ELOVL2: variants seen among roughly 807,000 people sequenced by gnomAD.
ELOVL2 encodes very long chain fatty acid elongase 2.
ELOVL2 carries 38 observed loss-of-function variants against 37.7 expected under a neutral mutation model. The observed-to-expected ratio is 1.01, with a 90% CI of 0.78 to 1.32. The LOEUF is 1.32. ELOVL2 is among the 40% of genes most tolerant of loss of function. The pLI is 0.00. For missense variants in ELOVL2, 352 were observed against 363.6 expected (o/e 0.97, Z 0.26); for synonymous variants, 115 against 122.3 (o/e 0.94, Z 0.40).
At chr6:11,002,253 CA>C (rs150931284) in intron 3 of ELOVL2, among the ~76,000 whole-genome samples, 1,683 of 152,334 alleles carry the variant, frequency 0.011, 16 homozygotes, top group Non-Finnish European at 0.018. Context: ...GCCCCATCAC[CA>C]GCCTCTCACT....
At chr6:11,014,503 C>A (rs1782639774) in intron 1 of ELOVL2, among the ~76,000 whole-genome samples, 1 of 150,144 alleles carries the variant, frequency 6.7e-6, no homozygotes, top group South Asian at 2.2e-4. Flanking sequence ...ACAACAACAA[C>A]AAAAACTAAA....
At chr6:11,033,851 T>C (rs1328015725) in intron 1 of ELOVL2, among the ~76,000 whole-genome samples, 4 of 152,190 alleles carry the variant, frequency 2.6e-5, no homozygotes, top group African/African-American at 9.7e-5. Context: ...TGTGGATTAA[T>C]CAAGATTGTT....
chr6:11,002,079 C>T (rs983317872), intron 3 of ELOVL2, among the ~76,000 whole-genome samples: 2 of 152,136 alleles, frequency 1.3e-5, no homozygotes, highest in South Asian at 2.1e-4. Context: ...ATAGCACTCC[C>T]GTCATTAAAA....
chr6:10,992,852 A>T (rs949087779), intron 5 of ELOVL2, among the ~76,000 whole-genome samples: 3 of 152,232 alleles, frequency 2.0e-5, no homozygotes, highest in Non-Finnish European at 4.4e-5. Flanking sequence ...TACATCATAT[A>T]GAGCCAGGGT....
chr6:11,003,655 T>C (rs1278605009), intron 3 of ELOVL2, among the ~76,000 whole-genome samples: 2 of 152,218 alleles, frequency 1.3e-5, no homozygotes, highest in Non-Finnish European at 2.9e-5. Context: ...TTCTGCTATA[T>C]AGAGAAACGA....
chr6:11,027,374 T>C (rs1467201378), intron 1 of ELOVL2, among the ~76,000 whole-genome samples: 2 of 152,192 alleles, frequency 1.3e-5, no homozygotes, highest in African/African-American at 4.8e-5. Flanking sequence ...TCTCGTCATA[T>C]GGGAGAGTCA....
chr6:11,001,482 G>A (rs1308245109), intron 3 of ELOVL2, among the ~76,000 whole-genome samples: 2 of 152,246 alleles, frequency 1.3e-5, no homozygotes, highest in South Asian at 2.1e-4. Context: ...TGGTGTGTTC[G>A]TGCATTTTTT....
chr6:11,020,518 A>G (rs1038699047), intron 1 of ELOVL2, among the ~76,000 whole-genome samples: 1 of 152,178 alleles, frequency 6.6e-6, no homozygotes, highest in African/African-American at 2.4e-5. Context: ...TAATATTTCC[A>G]TATGGGTCTT....
At chr6:11,019,464 C>CA (rs1268198471) in intron 1 of ELOVL2, among the ~76,000 whole-genome samples, 2 of 152,206 alleles carry the variant, frequency 1.3e-5, no homozygotes, top group Non-Finnish European at 2.9e-5. Context: ...GAAAGAAAAT[C>CA]AGAGTGCAAT....
chr6:10,996,315 G>A (rs1581863067), intron 4 of ELOVL2, among the ~76,000 whole-genome samples: 1 of 152,284 alleles, frequency 6.6e-6, no homozygotes, highest in East Asian at 1.9e-4. Flanking sequence ...AGAACTGTAT[G>A]GTATGCACTG....
chr6:11,000,721 T>C (rs1390970562), intron 3 of ELOVL2, among the ~76,000 whole-genome samples: 1 of 152,200 alleles, frequency 6.6e-6, no homozygotes, highest in Non-Finnish European at 1.5e-5. Context: ...CCCATTACTC[T>C]CAAAAACCAA....
chr6:11,041,400 T>C (rs1054504426), intron 1 of ELOVL2, among the ~76,000 whole-genome samples: 2 of 152,230 alleles, frequency 1.3e-5, no homozygotes, highest in African/African-American at 4.8e-5. Flanking sequence ...GGAACCCTTG[T>C]TGAAGAACCA....
chr6:11,013,174 C>A (rs1247612722), intron 1 of ELOVL2, among the ~76,000 whole-genome samples: 1 of 152,200 alleles, frequency 6.6e-6, no homozygotes, highest in African/African-American at 2.4e-5. Context: ...CAGAGAGAAC[C>A]ACAGCCAATG....
At chr6:10,990,240 C>T in intron 6 of ELOVL2, 78 bp downstream of exon 6, 4 of 1,555,194 alleles carry the variant, frequency 2.6e-6, no homozygotes, top group Non-Finnish European at 3.5e-6. Context: ...ATAAAAAGCC[C>T]TCTGACTTCT....
chr6:10,994,119 C>T (rs1160191188), intron 5 of ELOVL2, among the ~76,000 whole-genome samples: 2 of 151,502 alleles, frequency 1.3e-5, no homozygotes, highest in Non-Finnish European at 2.9e-5. Context: ...GCTATGACTA[C>T]ACCACTGCAT....
chr6:10,990,212 T>C lies in ELOVL2; in HGVS notation c.630+106A>G, dbSNP rs1027632026. 9 of 1,423,682 alleles carry C rather than the reference T, an allele frequency of 6.3e-6. No homozygotes were observed. The Admixed American group carries it at 7.4e-5, about 12-fold the overall frequency. 88.2% of individuals were successfully genotyped at this position (1,423,682 alleles called of 1,614,324 possible). On this transcript the variant is annotated intron_variant, in intron 6 of 7. Transcript: ENST00000354666. ...TAAAAGGCCAATTTTGGAAAAAAAA[T>C]GGGCAGCCTCATCACACATAAAAAG...
intron 5 of ELOVL2, among the ~76,000 whole-genome samples, chr6:10,990,947 G>A (rs568499214): frequency 2.0e-5 from 3 of 152,274 alleles, no homozygotes; most frequent in East Asian, 1.9e-4. Context: ...CTTAGGGACC[G>A]GGAGGTGCTG....
At chr6:11,024,918 G>A (rs1461307952) in intron 1 of ELOVL2, among the ~76,000 whole-genome samples, 1 of 152,124 alleles carries the variant, frequency 6.6e-6, no homozygotes, top group East Asian at 1.9e-4. Context: ...GAGAGAAACT[G>A]TTTCTTTCTG....
chr6:10,989,703 C>G lies in ELOVL2; in HGVS notation c.765G>C (p.Gln255His). Residue 255 changes from glutamine to histidine, a missense_variant and splice_region_variant, in exon 7 of 8, where the codon CAG becomes CAC. Transcript: ENST00000354666. ...LVILFLNFYV[Q>H]TYRKKPMKKD... ...TGCTGAATATTTACATTCCACGTAC[C>G]TGAACGTAAAAATTTAAGAAGAGGA... is the stretch of plus-strand genomic sequence containing the variant. 1.2e-6 allele frequency: 2 copies of G among 1,613,454 alleles called. No homozygotes were observed. Among genetic ancestry groups the G allele is most frequent in the South Asian group, 1.1e-5 (1 of 91,042 alleles).
Sources: allele counts gnomAD v4.1 joint callset (sites outside exome capture counted in the v4.1 genomes callset), GRCh38; gene constraint gnomAD v4.1.1; transcripts MANE v1.5; gene names NCBI Gene and HGNC (gene_info 2026-07-23, HGNC 2026-07-21).